The following CA8 variants were observed in gnomAD, a reference collection of about 807,000 sequenced individuals.
CA8 encodes the protein carbonic anhydrase-related protein.
A neutral mutation model predicts 41.4 loss-of-function variants in CA8; 22 were observed. The ratio of observed to expected loss-of-function variants is 0.53; its 90% CI spans 0.38 to 0.76. The LOEUF (loss-of-function observed/expected upper bound fraction) is 0.76. Among genes scored for constraint, CA8 ranks in the 30% least tolerant of loss-of-function variants. The probability of loss-of-function intolerance (pLI) is 0.00; values close to 1 mark genes in which losing one functional copy is unlikely to be tolerated. For synonymous variants in CA8, 121 were observed against 130.6 expected, an observed-to-expected ratio of 0.93 and a Z score of 0.50; for missense variants, 270 against 352.8, an observed-to-expected ratio of 0.77 and a Z score of 1.88.
At chr8:60,218,272 C>A (rs373940726) in intron 7 of CA8, among the ~76,000 whole-genome samples, 6 of 152,108 alleles carry the variant, frequency 3.9e-5, no homozygotes, top group Non-Finnish European at 8.8e-5. Flanking sequence ...TACGTCCATA[C>A]CATCCCATAG....
chr8:60,278,876 T>C (rs543764391), intron 2 of CA8, among the ~76,000 whole-genome samples: 1 of 152,354 alleles, frequency 6.6e-6, no homozygotes, highest in African/African-American at 2.4e-5. Flanking sequence ...TCTCTATTTA[T>C]CAAGTACGTC....
At chr8:60,200,292 T>G (rs1806386719) in intron 8 of CA8, among the ~76,000 whole-genome samples, 1 of 152,240 alleles carries the variant, frequency 6.6e-6, no homozygotes, top group Admixed American at 6.5e-5. Context: ...TATGGTATTT[T>G]GTTATAGAGG....
At chr8:60,199,293 G>GT (rs922788576) in intron 8 of CA8, among the ~76,000 whole-genome samples, 2 of 152,000 alleles carry the variant, frequency 1.3e-5, no homozygotes, top group South Asian at 2.1e-4. Flanking sequence ...TATTGCTTCG[G>GT]TTTTTTTCTA....
chr8:60,251,839 G>T (rs117435232), intron 3 of CA8, among the ~76,000 whole-genome samples: 2,535 of 152,236 alleles, frequency 0.017, 35 homozygotes, highest in Non-Finnish European at 0.024. Flanking sequence ...CTACAAAGAA[G>T]GCTCAAATTT....
intron 3 of CA8, among the ~76,000 whole-genome samples, chr8:60,244,521 C>G (rs1050029217): frequency 6.6e-6 from 1 of 152,088 alleles, no homozygotes; most frequent in Admixed American, 6.6e-5. Flanking sequence ...GAGTAATAAG[C>G]TCTTTTTAGT....
chr8:60,206,208 T>C (rs1479411778), intron 8 of CA8, among the ~76,000 whole-genome samples: 1 of 152,168 alleles, frequency 6.6e-6, no homozygotes, highest in African/African-American at 2.4e-5. Context: ...AGAACACAAA[T>C]ATATCTTCCT....
intron 1 of CA8, among the ~76,000 whole-genome samples, chr8:60,280,712 C>G (rs1015203984): frequency 6.6e-6 from 1 of 152,262 alleles, no homozygotes; most frequent in Non-Finnish European, 1.5e-5. Context: ...AAATGTACCG[C>G]TGCTCTTCTT....
chr8:60,217,489 A>C (rs1807061812), intron 7 of CA8, among the ~76,000 whole-genome samples: 2 of 152,142 alleles, frequency 1.3e-5, no homozygotes, highest in Non-Finnish European at 2.9e-5. Context: ...ACACTCTTAC[A>C]GTGCACATCC....
At chr8:60,221,325 A>G (rs961666260) in intron 7 of CA8, among the ~76,000 whole-genome samples, 1 of 152,208 alleles carries the variant, frequency 6.6e-6, no homozygotes, top group Non-Finnish European at 1.5e-5. Flanking sequence ...CCCCAACTCT[A>G]TGGTGAAATT....
At chr8:60,278,386 T>C (rs989109863) in intron 2 of CA8, among the ~76,000 whole-genome samples, 1 of 152,250 alleles carries the variant, frequency 6.6e-6, no homozygotes, top group Non-Finnish European at 1.5e-5. Context: ...GCACCTGACA[T>C]GAAATGTATT....
chr8:60,199,138 C>G (rs747514763), intron 8 of CA8, among the ~76,000 whole-genome samples: 2 of 152,014 alleles, frequency 1.3e-5, no homozygotes, highest in African/African-American at 2.4e-5. Context: ...TGTTTATTTA[C>G]AAAAAACTAA....
chr8:60,199,083 A>G (rs1806353818), intron 8 of CA8, among the ~76,000 whole-genome samples: 1 of 152,156 alleles, frequency 6.6e-6, no homozygotes, highest in Non-Finnish European at 1.5e-5. Flanking sequence ...GGAAAAAAAA[A>G]TCTTGGAATG....
At chr8:60,246,281 TG>T (rs34495632) in intron 3 of CA8, among the ~76,000 whole-genome samples, 1 of 151,724 alleles carries the variant, frequency 6.6e-6, no homozygotes, top group Admixed American at 6.6e-5. Context: ...AATGCATTTC[TG>T]GGGGGGGTTG....
At chr8:60,277,079 A>T (rs1804261237) in intron 2 of CA8, among the ~76,000 whole-genome samples, 1 of 149,480 alleles carries the variant, frequency 6.7e-6, no homozygotes, top group African/African-American at 2.5e-5. Flanking sequence ...AAGACGCACC[A>T]TTGCACTCCA....
At chr8:60,225,569 T>C (rs1171254482) in intron 5 of CA8, among the ~76,000 whole-genome samples, 1 of 152,182 alleles carries the variant, frequency 6.6e-6, no homozygotes, top group Admixed American at 6.5e-5. Flanking sequence ...CTGGGTTCCT[T>C]CCAAACCTAC....
chr8:60,258,551 G>T (rs893935928), intron 3 of CA8, among the ~76,000 whole-genome samples: 8 of 152,036 alleles, frequency 5.3e-5, no homozygotes, highest in African/African-American at 1.9e-4. Context: ...GATGGTTTCA[G>T]GATGATTCAA....
At chr8:60,253,764 C>T (rs1351832332) in intron 3 of CA8, among the ~76,000 whole-genome samples, 1 of 152,136 alleles carries the variant, frequency 6.6e-6, no homozygotes, top group East Asian at 1.9e-4. Context: ...GAAATGGTCT[C>T]CCCAGCCTTG....
chr8:60,237,947 T>C (rs1230972705), intron 3 of CA8, among the ~76,000 whole-genome samples: 2 of 152,262 alleles, frequency 1.3e-5, no homozygotes. Flanking sequence ...GACCATTATG[T>C]CTTCTGTTAA....
intron 8 of CA8, among the ~76,000 whole-genome samples, chr8:60,194,275 G>C (rs10091445): frequency 0.28 from 42,647 of 151,962 alleles, 6,228 homozygotes; most frequent in Middle Eastern, 0.41. Context: ...ATCTGTAACT[G>C]TTCATATCTG....
Sources: gnomAD v4.1 joint callset for allele counts (sites outside exome capture counted in the v4.1 genomes callset) on GRCh38, gnomAD v4.1.1 for gene constraint, MANE v1.5 for transcripts, NCBI Gene and HGNC (gene_info 2026-07-23, HGNC 2026-07-21) for gene names.